Variants in RBFOX1 observed in about 807,000 individuals in gnomAD.
RBFOX1 encodes RNA binding fox-1 homolog 1, also known as RNA binding protein fox-1 homolog 1.
Under a neutral mutation model 57.7 loss-of-function variants are expected in RBFOX1, and 8 were observed. The ratio of observed to expected loss-of-function variants is 0.14; its 90% CI spans 0.08 to 0.25. The LOEUF is 0.25. RBFOX1 is among the 10% of genes least tolerant of loss of function. RBFOX1 has a pLI of 1.00. For missense variants in RBFOX1, 611 were observed against 548.5 expected (o/e 1.11, Z -1.14); for synonymous variants, 326 against 222.4 (o/e 1.47, Z -4.15).
chr16:6,111,402 C>A (rs1301387688), intron 1 of RBFOX1, among the ~76,000 whole-genome samples: 1 of 152,146 alleles, frequency 6.6e-6, no homozygotes, highest in Non-Finnish European at 1.5e-5. Context: ...ATTGGACTTT[C>A]CTGATACACA....
At chr16:5,377,134 G>C (rs1014477560) in intron 1 of RBFOX1, among the ~76,000 whole-genome samples, 1 of 151,668 alleles carries the variant, frequency 6.6e-6, no homozygotes, top group East Asian at 1.9e-4. Flanking sequence ...GAAAGCACTG[G>C]TTGAGCACCT....
intron 4 of RBFOX1, among the ~76,000 whole-genome samples, chr16:5,867,760 G>A (rs1034074297): frequency 2.0e-5 from 3 of 152,006 alleles, no homozygotes; most frequent in African/African-American, 7.2e-5. Flanking sequence ...TGCCCAGGCT[G>A]GAGTGCAGTG....
chr16:7,164,198 G>A (rs916782020), intron 4 of RBFOX1, among the ~76,000 whole-genome samples: 28 of 152,008 alleles, frequency 1.8e-4, no homozygotes, highest in African/African-American at 6.5e-4. Flanking sequence ...CCCCACATAT[G>A]AGTGAGAACA....
chr16:6,311,118 A>G (rs778376920), intron 1 of RBFOX1, among the ~76,000 whole-genome samples: 5 of 151,814 alleles, frequency 3.3e-5, no homozygotes, highest in Admixed American at 1.3e-4. Context: ...GACATGGTGA[A>G]ACCCTGTCTC....
chr16:6,619,785 G>T (rs557671345), intron 2 of RBFOX1, among the ~76,000 whole-genome samples: 2 of 140,884 alleles, frequency 1.4e-5, no homozygotes, highest in Non-Finnish European at 3.0e-5. Context: ...GGGACTTGTT[G>T]TACAGATGAT....
intron 2 of RBFOX1, among the ~76,000 whole-genome samples, chr16:5,554,641 C>G (rs951769543): frequency 1.3e-5 from 2 of 152,092 alleles, no homozygotes; most frequent in Admixed American, 1.3e-4. Context: ...GGCCGTGATT[C>G]TGCACTTACA....
chr16:7,627,911 A>T (rs1360513303), intron 10 of RBFOX1, among the ~76,000 whole-genome samples: 1 of 141,094 alleles, frequency 7.1e-6, no homozygotes, highest in Non-Finnish European at 1.5e-5. Flanking sequence ...TCATTGCATA[A>T]AGATTTTTTT....
intron 3 of RBFOX1, among the ~76,000 whole-genome samples, chr16:5,851,334 G>C (rs1330598840): frequency 6.6e-6 from 1 of 152,152 alleles, no homozygotes; most frequent in African/African-American, 2.4e-5. Context: ...ATCCTGCAAA[G>C]GCCACACTGG....
At chr16:5,446,591 GTGGCT>G (rs1461623592) in intron 1 of RBFOX1, among the ~76,000 whole-genome samples, 1 of 152,054 alleles carries the variant, frequency 6.6e-6, no homozygotes, top group Non-Finnish European at 1.5e-5. Flanking sequence ...TAACAGGAGG[GTGGCT>G]TGATCCGATT....
chr16:7,341,865 C>G (rs963782886), intron 4 of RBFOX1, among the ~76,000 whole-genome samples: 2 of 150,564 alleles, frequency 1.3e-5, no homozygotes, highest in Admixed American at 6.7e-5. Flanking sequence ...AGCTCCTGCC[C>G]CCGGCCCCCT....
intron 3 of RBFOX1, among the ~76,000 whole-genome samples, chr16:6,922,258 C>G (rs1039908286): frequency 6.6e-6 from 1 of 152,096 alleles, no homozygotes; most frequent in African/African-American, 2.4e-5. Flanking sequence ...ACCTGAGCAT[C>G]CTACATTGAT....
chr16:6,688,123 G>A (rs946136557), intron 3 of RBFOX1, among the ~76,000 whole-genome samples: 4 of 152,108 alleles, frequency 2.6e-5, no homozygotes, highest in Non-Finnish European at 5.9e-5. Context: ...GGGTTCAGCA[G>A]GCTGTACAGG....
chr16:7,608,321 T>C (rs1226244640), intron 10 of RBFOX1, among the ~76,000 whole-genome samples: 11 of 152,214 alleles, frequency 7.2e-5, no homozygotes, highest in Admixed American at 7.2e-4. Context: ...AAAACTTAGC[T>C]ACTCTGGCAC....
intron 4 of RBFOX1, among the ~76,000 whole-genome samples, chr16:5,953,386 G>C (rs141759381): frequency 0.017 from 2,596 of 152,216 alleles, 69 homozygotes; most frequent in African/African-American, 0.059. Flanking sequence ...GTGGTGTTTG[G>C]TTACATGAGT....
At chr16:5,424,920 T>TCTCTC (rs1436949774) in intron 1 of RBFOX1, among the ~76,000 whole-genome samples, 3,513 of 113,136 alleles carry the variant, frequency 0.031, 295 homozygotes, top group Middle Eastern at 0.041. Flanking sequence ...TCTTTCTTTC[T>TCTCTC]TTCTTTCTTT....
chr16:6,410,168 CTGTG>C (rs3066618), intron 2 of RBFOX1, among the ~76,000 whole-genome samples: 2,148 of 147,004 alleles, frequency 0.015, 28 homozygotes, highest in Non-Finnish European at 0.018. Flanking sequence ...CATCATAAGG[CTGTG>C]TGTGTGTGTG....
At chr16:7,393,126 A>C (rs2098071386) in intron 4 of RBFOX1, among the ~76,000 whole-genome samples, 1 of 152,134 alleles carries the variant, frequency 6.6e-6, no homozygotes, top group Non-Finnish European at 1.5e-5. Context: ...TGCCTGCCTC[A>C]GCCTCCTAAA....
In RBFOX1 at chr16:6,779,612, A is replaced by G. The variant is rs569043642; in HGVS notation, c.-16+124962A>G. Among the ~76,000 whole-genome samples the G allele has an allele frequency of 6.8e-5, 10 of 147,356 alleles. No homozygotes were observed. The East Asian group carries it at 2.0e-3, about 29-fold the overall frequency. ...CCATACTATTCTCCAGAGTGGCTGTACTAACTTACGTTCCCACCAATAGTA... is the reference window on the plus strand; with the variant it reads ...CCATACTATTCTCCAGAGTGGCTGTGCTAACTTACGTTCCCACCAATAGTA... On this transcript the variant is annotated intron_variant, in intron 3 of 15. Coordinates refer to ENST00000550418, the MANE Select transcript of RBFOX1 (RefSeq NM_018723.4).
intron 1 of RBFOX1, among the ~76,000 whole-genome samples, chr16:6,086,028 G>T (rs577935942): frequency 6.6e-6 from 1 of 151,966 alleles, no homozygotes; most frequent in African/African-American, 2.4e-5. Flanking sequence ...CTGTGTCCAT[G>T]TCTTCTCATT....
Sources: allele counts gnomAD v4.1 joint callset (sites outside exome capture counted in the v4.1 genomes callset), GRCh38; gene constraint gnomAD v4.1.1; transcripts MANE v1.5; gene names NCBI Gene and HGNC (gene_info 2026-07-23, HGNC 2026-07-21).